Variants in RFX7 observed in about 807,000 individuals in gnomAD.
RFX7 encodes regulatory factor X7, also known as DNA-binding protein RFX7.
In RFX7, 26 loss-of-function variants were observed where a neutral mutation model predicts 111.8. The ratio of observed to expected loss-of-function variants is 0.23; its 90% CI spans 0.17 to 0.32. The LOEUF (loss-of-function observed/expected upper bound fraction) is 0.32. RFX7 is among the 10% of genes least tolerant of loss of function. The pLI is 1.00. For missense variants in RFX7, 1,573 were observed against 1,772.9 expected (o/e 0.89, Z 2.02); for synonymous variants, 624 against 624.4 (o/e 1.00, Z 0.01).
intron 2 of RFX7, among the ~76,000 whole-genome samples, chr15:56,242,284 C>A (rs1310179946): frequency 6.6e-5 from 10 of 152,076 alleles, no homozygotes. Context: ...CAAAACAATG[C>A]AAGTTCATGT....
chr15:56,121,719 T>C (rs1311239221), intron 5 of RFX7, among the ~76,000 whole-genome samples: 1 of 152,172 alleles, frequency 6.6e-6, no homozygotes, highest in African/African-American at 2.4e-5. Flanking sequence ...TTCTTTTTTT[T>C]ATTGTTTTTT....
At chr15:56,128,249 A>C (rs1468310839) in intron 5 of RFX7, among the ~76,000 whole-genome samples, 2 of 152,166 alleles carry the variant, frequency 1.3e-5, no homozygotes, top group African/African-American at 4.8e-5. Flanking sequence ...ATTAAGGCCA[A>C]CACTATCCTG....
Position 56,094,810 on chromosome 15 carries a change from T to C in RFX7, c.2918A>G (p.Gln973Arg), listed in dbSNP as rs745527651. 5.7e-6 allele frequency: 9 copies of C among 1,588,226 alleles called. No homozygotes were observed. The highest frequency in any genetic ancestry group is 6.9e-6 in the Non-Finnish European group (8 of 1,166,688). ...GCAAGGGCTCTCCCGTGACAGACTC[T>C]GAGATCCAGCAATCATTTCAGATGT... ...TPTSEMIAGS[Q>R]SLSRESPCSR... The change falls in exon 10 of 10, where the codon CAG becomes CGG. Residue 973 changes from glutamine to arginine, a missense_variant. Around this residue, in one of 7 missense-constraint regions of RFX7, gnomAD observed 625 missense variants for 632.2 expected, o/e 0.99. Transcript: ENST00000559447.
At position 56,147,699 on chromosome 15, in the gene RFX7, G is replaced by C. The variant is rs573188721; in HGVS notation, c.196-3216C>G. On this transcript the variant is annotated intron_variant, in intron 3 of 9. Transcript: ENST00000559447. The stretch of plus-strand genomic sequence containing the variant: ...CACCATTCTCCTGACTCAGCCTTCC[G>C]AGCAGCTGGGACTACTGGCACCCGC... Among the ~76,000 whole-genome samples the C allele has an allele frequency of 3.3e-5, 5 of 151,950 alleles. No homozygotes were observed. In the East Asian group the frequency reaches 9.7e-4, roughly 29 times the overall value.
intron 2 of RFX7, among the ~76,000 whole-genome samples, chr15:56,190,499 T>C (rs1180143452): frequency 6.6e-6 from 1 of 152,238 alleles, no homozygotes. Context: ...TCTTCAGAAC[T>C]CTTCAGCATT....
chr15:56,107,878 G>T (rs992816532), intron 5 of RFX7, among the ~76,000 whole-genome samples: 1 of 151,988 alleles, frequency 6.6e-6, no homozygotes, highest in African/African-American at 2.4e-5. Context: ...AGGGGATATC[G>T]CCACTGATCC....
At chr15:56,218,255 A>G (rs1449135095) in intron 2 of RFX7, among the ~76,000 whole-genome samples, 1 of 143,114 alleles carries the variant, frequency 7.0e-6, no homozygotes, top group Middle Eastern at 3.7e-3. Flanking sequence ...CCCGGGTTCA[A>G]GCAATTCTCC....
intron 5 of RFX7, among the ~76,000 whole-genome samples, chr15:56,140,988 T>C (rs868556490): frequency 2.4e-4 from 37 of 152,216 alleles, no homozygotes; most frequent in Non-Finnish European, 5.3e-4. Flanking sequence ...TCAAAAATTA[T>C]ATGAATACTC....
At chr15:56,131,810 G>A (rs1246326834) in intron 5 of RFX7, among the ~76,000 whole-genome samples, 2 of 151,972 alleles carry the variant, frequency 1.3e-5, no homozygotes, top group African/African-American at 2.4e-5. Context: ...TAATAACAAA[G>A]TAAAGACAAT....
rs1595920615 is a variant in RFX7, at chr15:56,096,712, A to C, written c.1108-92T>G. On this transcript the variant is annotated intron_variant, in intron 9 of 9. Coordinates refer to ENST00000559447, the MANE Select transcript of RFX7 (RefSeq NM_022841.7). ...TATATACTTTTAAGTCATTTATTAAATGTTAATGTTAAAAAGAAAAAAGTT... is the reference window on the plus strand; with the variant it reads ...TATATACTTTTAAGTCATTTATTAACTGTTAATGTTAAAAAGAAAAAAGTT... 3.0e-6 allele frequency: 4 copies of C among 1,345,834 alleles called. No individual in the cohort carries two copies. In the African/African-American group the frequency reaches 4.4e-5, roughly 15 times the overall value. 83.4% of individuals were successfully genotyped at this position (1,345,834 alleles called of 1,614,324 possible). A position where few individuals can be genotyped will look rare whatever the true frequency, so the allele number is the denominator to read the frequency against.
intron 3 of RFX7, among the ~76,000 whole-genome samples, chr15:56,161,421 A>G (rs2042718726): frequency 6.6e-6 from 1 of 152,130 alleles, no homozygotes; most frequent in African/African-American, 2.4e-5. Context: ...TCTGTGCTTA[A>G]TATTGAGAAG....
At chr15:56,227,529 T>G (rs1186251819) in intron 2 of RFX7, among the ~76,000 whole-genome samples, 1 of 152,032 alleles carries the variant, frequency 6.6e-6, no homozygotes, top group Non-Finnish European at 1.5e-5. Context: ...TATTAACAAA[T>G]TTTTTTTATT....
At chr15:56,145,935 GA>G (rs1567026339) in intron 3 of RFX7, among the ~76,000 whole-genome samples, 1 of 152,162 alleles carries the variant, frequency 6.6e-6, no homozygotes, top group African/African-American at 2.4e-5. Flanking sequence ...ATCATACAAA[GA>G]GTGAACAATA....
At chr15:56,196,533 G>A (rs1009113648) in intron 2 of RFX7, among the ~76,000 whole-genome samples, 3 of 151,880 alleles carry the variant, frequency 2.0e-5, no homozygotes, top group Non-Finnish European at 4.4e-5. Context: ...TTACATAGAA[G>A]TGTGGATTCA....
intron 5 of RFX7, among the ~76,000 whole-genome samples, chr15:56,136,117 A>G (rs1214010906): frequency 2.0e-5 from 3 of 152,110 alleles, no homozygotes; most frequent in African/African-American, 4.8e-5. Flanking sequence ...TTGGTTCCGT[A>G]TGAACTTTAA....
At chr15:56,136,751 G>T (rs2042308501) in intron 5 of RFX7, among the ~76,000 whole-genome samples, 2 of 143,294 alleles carry the variant, frequency 1.4e-5, no homozygotes, top group Non-Finnish European at 3.1e-5. Context: ...TTGGCTGTGG[G>T]TTTGTCATAG....
At chr15:56,163,227 C>T (rs183559602) in intron 3 of RFX7, among the ~76,000 whole-genome samples, 1 of 152,008 alleles carries the variant, frequency 6.6e-6, no homozygotes, top group Non-Finnish European at 1.5e-5. Flanking sequence ...ACATCCATAA[C>T]CCCTCACAGA....
chr15:56,099,549 T>A (rs1269396982), intron 8 of RFX7, among the ~76,000 whole-genome samples: 2 of 152,098 alleles, frequency 1.3e-5, no homozygotes, highest in African/African-American at 4.8e-5. Context: ...GCCAGGGTTT[T>A]GAGACAGGAA....
intron 4 of RFX7, among the ~76,000 whole-genome samples, chr15:56,143,308 C>G (rs2042426413): frequency 6.6e-6 from 1 of 151,202 alleles, no homozygotes; most frequent in Non-Finnish European, 1.5e-5. Flanking sequence ...TATATATACA[C>G]ACATATATAT....
Sources: gnomAD v4.1 joint callset for allele counts (sites outside exome capture counted in the v4.1 genomes callset) on GRCh38, gnomAD v4.1.1 for gene constraint, gnomAD v4.1.1 regional missense constraint, MANE v1.5 for transcripts, NCBI Gene and HGNC (gene_info 2026-07-23, HGNC 2026-07-21) for gene names.